The following USF2 variants were observed in gnomAD, a reference collection of about 807,000 sequenced individuals.
USF2 encodes upstream transcription factor 2, c-fos interacting.
USF2 carries 16 observed loss-of-function variants against 46.9 expected under a neutral mutation model. That is an observed-to-expected ratio of 0.34 (90% confidence interval 0.23 to 0.52). The LOEUF (loss-of-function observed/expected upper bound fraction) is 0.52, where lower values mean the gene tolerates loss of function less well. Ranked by LOEUF, USF2 falls within the 20% of genes least tolerant of loss-of-function variation. USF2 has a pLI of 0.96. For synonymous variants in USF2, 239 were observed against 194.1 expected (o/e 1.23, Z -1.92); for missense variants, 411 against 474.0 (o/e 0.87, Z 1.23).
intron 4 of USF2, 147 bp downstream of exon 4, chr19:35,270,150 T>A: frequency 9.5e-7 from 1 of 1,050,566 alleles, no homozygotes; most frequent in Non-Finnish European, 1.3e-6. Context: ...AGATCCCTGT[T>A]GTGCACCGTG....
At chr19:35,274,952 CTT>C (rs1491079274) in intron 7 of USF2, 8 of 151,906 alleles carry the variant, frequency 5.3e-5, no homozygotes, top group Admixed American at 1.3e-4. Context: ...GAAATCGAGA[CTT>C]ATGTGAAATC....
chr19:35,279,074 G>A lies in USF2; in HGVS notation c.951G>A (p.Gln317=). The A allele has an allele frequency of 6.2e-7, 1 of 1,607,434 alleles. No homozygotes were observed. Among genetic ancestry groups the A allele is most frequent in the Non-Finnish European group, 8.5e-7 (1 of 1,176,926 alleles). ...LQMDNELLRQ[Q]IEELKNENAL... ...TGGACAACGAGCTCCTGAGGCAGCA[G>A]GTGGGTGCGGGGCCTGGAGCGGGTC... The change falls in exon 9 of 10, where the codon CAG becomes CAA. Residue 317 remains glutamine, a splice_region_variant and synonymous_variant. Transcript: ENST00000222305.
rs1220197275 is a variant in USF2, at chr19:35,269,588, C to T, written c.117C>T (p.Asp39=). The part of the protein sequence containing the change: ...EEGVELQEGG[D]GPGAEEQTAV... Reference sequence around the variant, plus strand: ...GACCCTCCTCGGCCCCAGGCGGGGACGGCCCAGGAGCGGAGGAGCAGACAG... The same window carrying T: ...GACCCTCCTCGGCCCCAGGCGGGGATGGCCCAGGAGCGGAGGAGCAGACAG... The change falls in exon 3 of 10, where the codon GAC becomes GAT. Residue 39 remains aspartate, a synonymous_variant. Coordinates refer to ENST00000222305, the MANE Select transcript of USF2 (RefSeq NM_003367.4). 1.2e-5 allele frequency: 19 copies of T among 1,588,016 alleles called. No homozygotes were observed. The highest frequency in any genetic ancestry group is 2.3e-5 in the East Asian group (1 of 43,386).
chr19:35,269,541 G>A (rs757963443), intron 2 of USF2, 40 bp from the exon 3 acceptor site: 1 of 1,552,594 alleles, frequency 6.4e-7, no homozygotes, highest in Non-Finnish European at 8.7e-7. Flanking sequence ...GGGGGCGCTC[G>A]GCGCGGCCCT....
intron 1 of USF2, 43 bp from the exon 2 acceptor site, chr19:35,269,398 CGCGGG>C: frequency 7.5e-7 from 1 of 1,331,630 alleles, no homozygotes. Context: ...GGGGCGGGGG[CGCGGG>C]CGCGGGCCGC....
At chr19:35,269,394 G>GGGGCGC (rs1283511918) in intron 1 of USF2, 52 bp from the exon 2 acceptor site, 633 of 1,325,310 alleles carry the variant, frequency 4.8e-4, no homozygotes, top group Non-Finnish European at 5.7e-4. Flanking sequence ...CGCGGGGGCG[G>GGGGCGC]GGGCGCGGGC....
rs1335732153 is a variant in USF2, at chr19:35,279,259, C to T, written c.*3C>T. ...TGGGCGAGGGCACCCGGCAGTGACG[C>T]CCGCCACCACCACGCAGCCGCCGCC... On this transcript the variant is annotated 3_prime_UTR_variant, in exon 10 of 10. Transcript: ENST00000222305. 8 of 1,516,246 alleles carry T rather than the reference C, an allele frequency of 5.3e-6. No individual in the cohort carries two copies. Among genetic ancestry groups the T allele is most frequent in the Non-Finnish European group, 7.1e-6 (8 of 1,131,198 alleles). The allele number at this position is 1,516,246 out of a possible 1,614,324, so 93.9% of individuals were successfully genotyped here.
At position 35,278,768 on chromosome 19, in the gene USF2, C is replaced by G; in HGVS notation, c.798C>G (p.Asn266Lys). The G allele has an allele frequency of 1.9e-6, 3 of 1,614,124 alleles. No individual in the cohort carries two copies. Among genetic ancestry groups the G allele is most frequent in the Non-Finnish European group, 2.5e-6 (3 of 1,180,024 alleles). The change falls in exon 8 of 10, where the codon AAC becomes AAG. Residue 266 changes from asparagine to lysine, a missense_variant. Asn to Lys is a moderately conservative substitution (Grantham distance 94). This residue lies in a region of USF2 where 93 missense variants were observed against 151.6 expected (regional missense o/e 0.61). Coordinates refer to ENST00000222305, the MANE Select transcript of USF2 (RefSeq NM_003367.4). ...TTTCGAAAATCATTCCAGACTGTAACGCAGACAACAGCAAGACGGGAGCGG... is the reference window on the plus strand; with the variant it reads ...TTTCGAAAATCATTCCAGACTGTAAGGCAGACAACAGCAAGACGGGAGCGG... ...VQLSKIIPDC[N>K]ADNSKTGASK...
At chr19:35,274,999 G>T (rs757765584) in intron 7 of USF2, 1 of 152,124 alleles carries the variant, frequency 6.6e-6, no homozygotes, top group Non-Finnish European at 1.5e-5. Flanking sequence ...TGCTTTTTCC[G>T]TTTCATTGAT....
rs1430941120 is a variant in USF2, at chr19:35,279,241, G to A, written c.1026G>A (p.Glu342=). ...LQQHNLEMVG[E]GTRQ ...AGCACAACCTGGAGATGGTGGGCGA[G>A]GGCACCCGGCAGTGACGCCCGCCAC... Residue 342 remains glutamate (E), a synonymous_variant, in exon 10 of 10, where the codon GAG becomes GAA. Coordinates refer to ENST00000222305, the MANE Select transcript of USF2 (RefSeq NM_003367.4). The A allele has an allele frequency of 1.3e-6, 2 of 1,549,258 alleles. No homozygotes were observed. The highest frequency in any genetic ancestry group is 1.7e-6 in the Non-Finnish European group (2 of 1,147,136).
intron 7 of USF2, among the ~76,000 whole-genome samples, chr19:35,273,970 T>C (rs147827370): frequency 2.0e-5 from 3 of 152,202 alleles, no homozygotes; most frequent in African/African-American, 7.2e-5. Flanking sequence ...GTTCCTCTTT[T>C]TTCTTTGCTG....
chr19:35,269,992 C>A lies in USF2; in HGVS notation c.418C>A (p.Pro140Thr). 1 of 1,341,574 alleles carries A rather than the reference C, an allele frequency of 7.5e-7. No individual in the cohort carries two copies. Among genetic ancestry groups the A allele is most frequent in the Non-Finnish European group, 9.5e-7 (1 of 1,053,226 alleles). 83.1% of individuals were successfully genotyped at this position (1,341,574 alleles called of 1,614,324 possible). ...AASVPPGPAA[P>T]FPLAVIQNPF... Reference sequence around the variant, plus strand: ...CTCTGTGCCCCCAGGTCCTGCAGCGCCCTTCCCGCTGGTAGGTGCCCTGCC... The same window carrying A: ...CTCTGTGCCCCCAGGTCCTGCAGCGACCTTCCCGCTGGTAGGTGCCCTGCC... The change falls in exon 4 of 10, where the codon CCC (proline) becomes ACC (threonine). Residue 140 changes from proline to threonine, a missense_variant. Physicochemically the swap from Pro to Thr is conservative, Grantham distance 38. This residue lies in a region of USF2 where 318 missense variants were observed against 322.4 expected (regional missense o/e 0.99). Transcript: ENST00000222305.
chr19:35,270,957 C>A, intron 6 of USF2, 126 bp from the exon 7 acceptor site: 1 of 1,433,808 alleles, frequency 7.0e-7, no homozygotes, highest in South Asian at 1.2e-5. Flanking sequence ...CATAAAGTAT[C>A]ATGTCTTTTG....
intron 7 of USF2, chr19:35,275,564 G>A (rs1030411084): frequency 2.0e-5 from 3 of 151,518 alleles, no homozygotes; most frequent in African/African-American, 7.3e-5. Context: ...GTTCACTCCA[G>A]CATCACTTTA....
At chr19:35,272,120 C>T (rs561029751) in intron 7 of USF2, among the ~76,000 whole-genome samples, 1 of 152,290 alleles carries the variant, frequency 6.6e-6, no homozygotes, top group East Asian at 1.9e-4. Context: ...TGAGCAGCTC[C>T]TCCCTGAGTT....
chr19:35,275,531 C>T (rs974864346), intron 7 of USF2: 1 of 149,096 alleles, frequency 6.7e-6, no homozygotes, highest in African/African-American at 2.5e-5. Flanking sequence ...TTTCTCTTTG[C>T]TTAACAACAT....
intron 7 of USF2, among the ~76,000 whole-genome samples, chr19:35,276,817 C>T (rs1380649242): frequency 6.6e-6 from 1 of 152,216 alleles, no homozygotes; most frequent in Admixed American, 6.5e-5. Flanking sequence ...AGTGATGACA[C>T]GAATGCAATG....
At position 35,269,156 on chromosome 19, in the gene USF2, G is replaced by A. The variant is rs970367311; in HGVS notation, c.55G>A (p.Ala19Thr). 9.8e-7 allele frequency: 1 copy of A among 1,015,594 alleles called. No homozygotes were observed. The highest frequency in any genetic ancestry group is 1.9e-5 in the African/African-American group (1 of 52,472). 62.9% of individuals were successfully genotyped at this position (1,015,594 alleles called of 1,614,324 possible). A position where few individuals can be genotyped will look rare whatever the true frequency, so the allele number is the denominator to read the frequency against. Residue 19 changes from alanine (A) to threonine (T), a missense_variant, in exon 1 of 10, where the codon GCC becomes ACC. Ala to Thr is a moderately conservative substitution (Grantham distance 58). Around this residue, in one of 2 missense-constraint regions of USF2, gnomAD observed 318 missense variants for 322.4 expected, o/e 0.99. Transcript: ENST00000222305. ...DPAASATAAA[A>T]ASHDKGPEAE... is the part of the protein sequence containing the mutation. The stretch of plus-strand genomic sequence containing the variant: ...CGCTGCCTCGGCCACCGCTGCTGCC[G>A]CCGCCAGGTAAGATCCCCGGCCCGG...
intron 7 of USF2, among the ~76,000 whole-genome samples, chr19:35,272,773 G>C (rs2145574959): frequency 6.6e-6 from 1 of 152,152 alleles, no homozygotes; most frequent in Non-Finnish European, 1.5e-5. Context: ...AGGACTCCAA[G>C]GCTGGAGAAT....
Sources: gnomAD v4.1 joint callset for allele counts (sites outside exome capture counted in the v4.1 genomes callset) on GRCh38, gnomAD v4.1.1 for gene constraint, gnomAD v4.1.1 regional missense constraint, MANE v1.5 for transcripts, NCBI Gene and HGNC (gene_info 2026-07-23, HGNC 2026-07-21) for gene names.